The following EHMT1 variants were observed in gnomAD, a reference collection of about 807,000 sequenced individuals.
EHMT1 encodes the protein histone-lysine N-methyltransferase EHMT1.
EHMT1 carries 15 observed loss-of-function variants against 147.2 expected under a neutral mutation model. The observed-to-expected ratio is 0.10, with a 90% CI of 0.07 to 0.16. The LOEUF (loss-of-function observed/expected upper bound fraction) is 0.16. EHMT1 is among the 10% of genes least tolerant of loss of function. EHMT1 has a pLI of 1.00. For synonymous variants in EHMT1, 795 were observed against 709.6 expected (o/e 1.12, Z -1.91); for missense variants, 1,587 against 1,772.4 (o/e 0.90, Z 1.88).
chr9:137,656,070 C>G (rs923397963), intron 1 of EHMT1, among the ~76,000 whole-genome samples: 3 of 152,114 alleles, frequency 2.0e-5, no homozygotes, highest in African/African-American at 7.2e-5. Flanking sequence ...GTTTATATAG[C>G]TCATAACCAT....
chr9:137,740,768 GCAGA>G (rs2135998898), intron 4 of EHMT1, among the ~76,000 whole-genome samples: 1 of 152,320 alleles, frequency 6.6e-6, no homozygotes, highest in East Asian at 1.9e-4. Flanking sequence ...CTTGTTTGCA[GCAGA>G]CAGACTTCCT....
intron 1 of EHMT1, among the ~76,000 whole-genome samples, chr9:137,681,122 G>A (rs972339264): frequency 7.2e-5 from 11 of 152,194 alleles, no homozygotes; most frequent in African/African-American, 9.7e-5. Context: ...CCTTATCTCA[G>A]GGTGTTGCAT....
intron 1 of EHMT1, among the ~76,000 whole-genome samples, chr9:137,690,611 C>T (rs1942852822): frequency 6.6e-6 from 1 of 152,040 alleles, no homozygotes; most frequent in Non-Finnish European, 1.5e-5. Flanking sequence ...GCTGTGTCGC[C>T]CAGGCTGGAG....
rs371401937 is a variant in EHMT1 at position 137,814,687 on chromosome 9, C to T, written c.3258+179C>T. On this transcript the variant is annotated intron_variant, in intron 22 of 26. Coordinates refer to ENST00000460843, the MANE Select transcript of EHMT1 (RefSeq NM_024757.5). The stretch of plus-strand genomic sequence containing the variant: ...CGGGCACCAGCACCCGAGTCAGGGT[C>T]GTGAGCCGAGGACATGGCTGCGGAT... The T allele has an allele frequency of 5.2e-4, 371 of 709,826 alleles. 2 individuals carry two copies. The East Asian group carries it at 9.0e-3, about 17-fold the overall frequency. The allele number at this position is 709,826 out of a possible 1,614,324, so 44.0% of individuals were successfully genotyped here. A position where few individuals can be genotyped will look rare whatever the true frequency, so the allele number is the denominator to read the frequency against.
intron 1 of EHMT1, among the ~76,000 whole-genome samples, chr9:137,703,817 T>A (rs1944033100): frequency 6.6e-6 from 1 of 152,176 alleles, no homozygotes. Flanking sequence ...CATTTTCAGG[T>A]ATCTTTATAG....
chr9:137,795,478 C>A (rs1330093868), intron 16 of EHMT1, among the ~76,000 whole-genome samples: 1 of 151,508 alleles, frequency 6.6e-6, no homozygotes, highest in African/African-American at 2.4e-5. Context: ...CACATTCACT[C>A]AGACCAGGAC....
At chr9:137,655,198 A>G (rs1045791544) in intron 1 of EHMT1, among the ~76,000 whole-genome samples, 6 of 151,980 alleles carry the variant, frequency 3.9e-5, no homozygotes, top group Non-Finnish European at 8.8e-5. Flanking sequence ...TATTTTTAGT[A>G]GAGACGGCAT....
chr9:137,669,521 G>A (rs1940256589), intron 1 of EHMT1, among the ~76,000 whole-genome samples: 2 of 130,580 alleles, frequency 1.5e-5, no homozygotes, highest in Admixed American at 1.8e-4. Flanking sequence ...CGCACAGCAC[G>A]TGCACTCGAC....
At chr9:137,707,997 G>A (rs1269894385) in intron 1 of EHMT1, among the ~76,000 whole-genome samples, 2 of 152,142 alleles carry the variant, frequency 1.3e-5, no homozygotes, top group Non-Finnish European at 2.9e-5. Flanking sequence ...CTTGTTTATT[G>A]GGTTGTATCT....
intron 22 of EHMT1, 152 bp from the exon 23 acceptor site, chr9:137,815,795 T>C (rs1954872517): frequency 1.4e-6 from 1 of 714,204 alleles, no homozygotes; most frequent in Non-Finnish European, 2.5e-6. Flanking sequence ...ACACATGGAG[T>C]TTTTCCCTAG....
At chr9:137,798,727 C>G in intron 16 of EHMT1, 86 bp from the exon 17 acceptor site, 1 of 1,080,312 alleles carries the variant, frequency 9.3e-7, no homozygotes. Flanking sequence ...ATGGTAGACA[C>G]CGGGTTCTCC....
intron 7 of EHMT1, among the ~76,000 whole-genome samples, chr9:137,753,294 C>G (rs1367679660): frequency 6.6e-6 from 1 of 152,072 alleles, no homozygotes; most frequent in Non-Finnish European, 1.5e-5. Context: ...GAGGAGGACA[C>G]GGGGGCCGTG....
At chr9:137,695,445 C>T (rs1403764364) in intron 1 of EHMT1, among the ~76,000 whole-genome samples, 6 of 152,190 alleles carry the variant, frequency 3.9e-5, no homozygotes, top group Non-Finnish European at 8.8e-5. Context: ...CCTTGTCTCC[C>T]GCCAGGGACT....
At chr9:137,809,912 T>C (rs1304496429) in intron 18 of EHMT1, among the ~76,000 whole-genome samples, 2,708 of 85,294 alleles carry the variant, frequency 0.032, 152 homozygotes, top group African/African-American at 0.2. Context: ...TGCCGCCCTG[T>C]GTGGACCGTC....
chr9:137,788,240 C>G, intron 15 of EHMT1: 1 of 479,574 alleles, frequency 2.1e-6, no homozygotes, highest in Non-Finnish European at 3.6e-6. Flanking sequence ...CCCTGGAGTC[C>G]CCTAGCAGGG....
intron 12 of EHMT1, 39 bp from the exon 13 acceptor site, chr9:137,777,843 G>T (rs372028424): frequency 1.2e-6 from 2 of 1,609,878 alleles, no homozygotes; most frequent in Non-Finnish European, 8.5e-7. Context: ...GCCATGTTTC[G>T]TGTTTTCATA....
In EHMT1 at chr9:137,817,824, T is replaced by G. The variant is rs775741367; in HGVS notation, c.3462-236T>G. 15 of 623,914 alleles carry G rather than the reference T, an allele frequency of 2.4e-5. No individual in the cohort carries two copies. The South Asian group carries it at 2.9e-4, about 12-fold the overall frequency. The allele number at this position is 623,914 out of a possible 1,614,324, so 38.6% of individuals were successfully genotyped here. A position where few individuals can be genotyped will look rare whatever the true frequency, so the allele number is the denominator to read the frequency against. ...GCAGTCATCTCTAGGGGAGGACCATTCTGGGTTCTCAGGTACCAGACCGCA... is the reference window on the plus strand; with the variant it reads ...GCAGTCATCTCTAGGGGAGGACCATGCTGGGTTCTCAGGTACCAGACCGCA... On this transcript the variant is annotated intron_variant, in intron 24 of 26. Transcript: ENST00000460843.
chr9:137,683,870 C>G (rs117921287), intron 1 of EHMT1, among the ~76,000 whole-genome samples: 1 of 151,912 alleles, frequency 6.6e-6, no homozygotes, highest in Non-Finnish European at 1.5e-5. Context: ...TACCTACCCC[C>G]TCACTCTCCA....
intron 3 of EHMT1, among the ~76,000 whole-genome samples, chr9:137,717,722 T>G (rs916194156): frequency 1.3e-5 from 2 of 152,154 alleles, no homozygotes; most frequent in African/African-American, 4.8e-5. Flanking sequence ...CACAGGATTC[T>G]GTTGCTCTCT....
Sources: gnomAD v4.1 joint callset for allele counts (sites outside exome capture counted in the v4.1 genomes callset) on GRCh38, gnomAD v4.1.1 for gene constraint, MANE v1.5 for transcripts, NCBI Gene and HGNC (gene_info 2026-07-23, HGNC 2026-07-21) for gene names.